Variants in TMEM178B observed in about 807,000 individuals in gnomAD.
TMEM178B encodes transmembrane protein 178B.
Under a neutral mutation model 31.0 loss-of-function variants are expected in TMEM178B, and 5 were observed. That is an observed-to-expected ratio of 0.16 (90% confidence interval 0.08 to 0.34). TMEM178B has a LOEUF of 0.34. Among genes scored for constraint, TMEM178B ranks in the 10% least tolerant of loss-of-function variants. The pLI is 1.00. For missense variants in TMEM178B, 275 were observed against 400.3 expected (o/e 0.69, Z 2.67); for synonymous variants, 164 against 164.0 (o/e 1.00, Z 0.00).
At chr7:141,195,211 A>G (rs1390846786) in intron 1 of TMEM178B, among the ~76,000 whole-genome samples, 1 of 152,154 alleles carries the variant, frequency 6.6e-6, no homozygotes, top group Non-Finnish European at 1.5e-5. Flanking sequence ...CTCCCCAGAA[A>G]ATGGGTTTTT....
intron 2 of TMEM178B, among the ~76,000 whole-genome samples, chr7:141,256,471 C>T (rs191732348): frequency 3.3e-5 from 5 of 152,204 alleles, no homozygotes; most frequent in African/African-American, 4.8e-5. Context: ...ACTCAGGAGA[C>T]CAGAGTGGCT....
At chr7:141,240,515 A>G (rs531000852) in intron 2 of TMEM178B, among the ~76,000 whole-genome samples, 1 of 152,336 alleles carries the variant, frequency 6.6e-6, no homozygotes, top group Middle Eastern at 3.4e-3. Context: ...CACTTTCCCA[A>G]AGTAGAAAGT....
At chr7:141,427,476 T>C (rs1172860446) in intron 2 of TMEM178B, among the ~76,000 whole-genome samples, 5 of 152,182 alleles carry the variant, frequency 3.3e-5, no homozygotes, top group Non-Finnish European at 7.3e-5. Flanking sequence ...CTTCAGTAAA[T>C]GGTGTTGGGA....
At chr7:141,389,075 T>C (rs1332670712) in intron 2 of TMEM178B, among the ~76,000 whole-genome samples, 2 of 152,174 alleles carry the variant, frequency 1.3e-5, no homozygotes, top group African/African-American at 2.4e-5. Flanking sequence ...ATCTAGGAAC[T>C]GGGCCTTTTT....
chr7:141,419,978 A>G (rs1377435274), intron 2 of TMEM178B, among the ~76,000 whole-genome samples: 1 of 152,166 alleles, frequency 6.6e-6, no homozygotes, highest in Non-Finnish European at 1.5e-5. Flanking sequence ...CTCCTGCCTC[A>G]GTGCCTTTGC....
intron 2 of TMEM178B, among the ~76,000 whole-genome samples, chr7:141,387,923 A>C (rs1049851924): frequency 1.3e-5 from 2 of 150,764 alleles, no homozygotes; most frequent in East Asian, 3.9e-4. Flanking sequence ...CAGGCAGCCC[A>C]CTCCCTCACT....
In TMEM178B at chr7:141,344,618, T is replaced by TCCTTCCTTCCTC; in HGVS notation, c.497-92980_497-92969dup. Among the ~76,000 whole-genome samples, 1 of 147,034 alleles carries TCCTTCCTTCCTC rather than the reference T, an allele frequency of 6.8e-6. No individual in the cohort carries two copies. The highest frequency in any genetic ancestry group is 2.0e-4 in the East Asian group (1 of 5,024). On this transcript the variant is annotated intron_variant, in intron 2 of 3. Transcript: ENST00000565468. This position sits in a 1 kb window ranked among gnomAD's most constrained non-coding sequence, Gnocchi z 4.1. Reference sequence around the variant, plus strand: ...TTCCTTCCTTCCTTCCTTCCTTCCTTCCTTCCTTCCTCCCTTCCTTCTTCC... The same window carrying TCCTTCCTTCCTC: ...TTCCTTCCTTCCTTCCTTCCTTCCTTCCTTCCTTCCTCCCTTCCTTCCTCCCTTCCTTCTTCC...
At chr7:141,215,926 G>A (rs1323082120) in intron 2 of TMEM178B, among the ~76,000 whole-genome samples, 4 of 86,382 alleles carry the variant, frequency 4.6e-5, no homozygotes, top group African/African-American at 1.0e-4. Flanking sequence ...TTTTTTTTTT[G>A]ACAGAGTCTT....
At chr7:141,333,411 A>G in intron 2 of TMEM178B, among the ~76,000 whole-genome samples, 1 of 152,200 alleles carries the variant, frequency 6.6e-6, no homozygotes, top group South Asian at 2.1e-4. Flanking sequence ...ATGCTCCCAC[A>G]CAATCATTAG....
intron 2 of TMEM178B, among the ~76,000 whole-genome samples, chr7:141,226,877 A>G (rs957460157): frequency 6.6e-6 from 1 of 151,788 alleles, no homozygotes; most frequent in Admixed American, 6.6e-5. Flanking sequence ...AAAAAAAAGA[A>G]AAAGAAAAAA....
intron 1 of TMEM178B, among the ~76,000 whole-genome samples, chr7:141,182,408 T>C (rs1170348572): frequency 6.6e-6 from 1 of 152,230 alleles, no homozygotes; most frequent in African/African-American, 2.4e-5. Context: ...GTTATACTGG[T>C]CATCCCTGTA....
At chr7:141,212,318 T>C (rs532609557) in intron 1 of TMEM178B, among the ~76,000 whole-genome samples, 6 of 152,364 alleles carry the variant, frequency 3.9e-5, no homozygotes, top group Admixed American at 2.0e-4. Context: ...TTGATTTTCT[T>C]GGGAATGTTA....
At chr7:141,107,493 G>A (rs979700968) in intron 1 of TMEM178B, among the ~76,000 whole-genome samples, 10 of 152,100 alleles carry the variant, frequency 6.6e-5, no homozygotes, top group African/African-American at 2.4e-4. Flanking sequence ...TACTTTAAAG[G>A]TACAGTGAAC....
At chr7:141,336,924 CCACCACCAT>C (rs1799407510) in intron 2 of TMEM178B, among the ~76,000 whole-genome samples, 4 of 133,706 alleles carry the variant, frequency 3.0e-5, no homozygotes, top group East Asian at 4.6e-4. Flanking sequence ...ACCACCACCA[CCACCACCAT>C]CACCACCACC....
At chr7:141,347,993 G>A (rs1799649285) in intron 2 of TMEM178B, among the ~76,000 whole-genome samples, 1 of 152,176 alleles carries the variant, frequency 6.6e-6, no homozygotes, top group Non-Finnish European at 1.5e-5. Context: ...ACCTCAATGA[G>A]TACAGAACAA....
chr7:141,091,839 T>A (rs1794886013), intron 1 of TMEM178B, among the ~76,000 whole-genome samples: 1 of 152,184 alleles, frequency 6.6e-6, no homozygotes. Context: ...GTGATTCTCC[T>A]GCCTCAACCT....
rs56709641 is a variant in TMEM178B, at chr7:141,191,040, G to A, written c.383-21551G>A. Reference sequence around the variant, plus strand: ...AACATTGTTTCATTATAATACTGATGAGAAAAAATAACTGGTTTCATTATA... The same window carrying A: ...AACATTGTTTCATTATAATACTGATAAGAAAAAATAACTGGTTTCATTATA... On this transcript the variant is annotated intron_variant, in intron 1 of 3. Coordinates refer to ENST00000565468, the MANE Select transcript of TMEM178B (RefSeq NM_001195278.2). 7.6e-4 allele frequency among the ~76,000 whole-genome samples: 115 copies of A among 152,122 alleles called. 1 individual carries two copies. The East Asian group carries it at 0.021, about 28-fold the overall frequency.
intron 1 of TMEM178B, among the ~76,000 whole-genome samples, chr7:141,208,394 GA>G (rs1162045926): frequency 1.3e-5 from 2 of 152,164 alleles, no homozygotes; most frequent in Non-Finnish European, 2.9e-5. Context: ...TGTGCTGCAG[GA>G]AAACCTGTTT....
chr7:141,191,254 A>C (rs1045332193), intron 1 of TMEM178B, among the ~76,000 whole-genome samples: 14 of 152,170 alleles, frequency 9.2e-5, no homozygotes, highest in Non-Finnish European at 4.4e-5. Flanking sequence ...ACCATAATTT[A>C]TTCATTCTCC....
Sources: gnomAD v4.1 joint callset for allele counts (sites outside exome capture counted in the v4.1 genomes callset) on GRCh38, gnomAD v4.1.1 for gene constraint, Gnocchi (gnomAD v3.1) non-coding constraint, MANE v1.5 for transcripts, NCBI Gene and HGNC (gene_info 2026-07-23, HGNC 2026-07-21) for gene names.